RARB: variants seen among roughly 807,000 people sequenced by gnomAD.
RARB encodes HBV-activated protein.
A neutral mutation model predicts 51.9 loss-of-function variants in RARB; 17 were observed. That is an observed-to-expected ratio of 0.33 (90% CI 0.22 to 0.49). The LOEUF (loss-of-function observed/expected upper bound fraction) is 0.49, where lower values mean the gene tolerates loss of function less well. Ranked by LOEUF, RARB falls within the 20% of genes least tolerant of loss-of-function variation. RARB has a pLI of 0.99. For synonymous variants in RARB, 215 were observed against 195.4 expected (o/e 1.10, Z -0.84); for missense variants, 369 against 550.8 (o/e 0.67, Z 3.30).
chr3:25,194,914 A>G (rs1450848027), intron 5 of RARB, among the ~76,000 whole-genome samples: 1 of 151,972 alleles, frequency 6.6e-6, no homozygotes. Flanking sequence ...TTTTCAAAGC[A>G]TGCTTGAAAG....
At chr3:24,897,722 G>T (rs1341483521) in intron 2 of RARB, among the ~76,000 whole-genome samples, 1 of 147,830 alleles carries the variant, frequency 6.8e-6, no homozygotes, top group Non-Finnish European at 1.5e-5. Context: ...AACCATCACA[G>T]TATTTTCCAT....
chr3:25,106,834 G>C (rs1259224342), intron 3 of RARB, among the ~76,000 whole-genome samples: 1 of 151,940 alleles, frequency 6.6e-6, no homozygotes, highest in African/African-American at 2.4e-5. Flanking sequence ...GGTTGCTGGA[G>C]CTATGGCCCT....
rs187592237 is a variant in RARB, at chr3:24,936,161, C to A, written c.-380+77409C>A. On this transcript the variant is annotated intron_variant, in intron 2 of 11. Transcript: ENST00000383772. ...AAATTGTATCATTCCATCCATGGTC[C>A]ATGTTTGTATAGAGTATGGAATGGG... is the stretch of plus-strand genomic sequence containing the variant. 1.8e-3 allele frequency among the ~76,000 whole-genome samples: 281 copies of A among 152,104 alleles called. 1 individual carries two copies. Among genetic ancestry groups the A allele is most frequent in the African/African-American group, 6.1e-3 (255 of 41,500 alleles).
intron 3 of RARB, among the ~76,000 whole-genome samples, chr3:25,521,128 C>G (rs1698384451): frequency 6.6e-6 from 1 of 152,188 alleles, no homozygotes; most frequent in East Asian, 1.9e-4. Flanking sequence ...GGGTCTCCCC[C>G]ATCAGGCAAG....
At chr3:25,358,679 T>C (rs571679901) in intron 5 of RARB, among the ~76,000 whole-genome samples, 30 of 152,336 alleles carry the variant, frequency 2.0e-4, no homozygotes, top group African/African-American at 6.5e-4. Context: ...TTGAATGTTA[T>C]TAGCATGAAG....
At chr3:25,445,898 A>G (rs889207499) in intron 1 of RARB, among the ~76,000 whole-genome samples, 3 of 152,206 alleles carry the variant, frequency 2.0e-5, no homozygotes, top group Non-Finnish European at 4.4e-5. Context: ...TTTATTGCAT[A>G]TATGACCATG....
In RARB at chr3:24,938,060, T is replaced by C. The variant is rs1338393298; in HGVS notation, c.-380+79308T>C. Among the ~76,000 whole-genome samples, 2 of 151,974 alleles carry C rather than the reference T, an allele frequency of 1.3e-5. 1 individual carries two copies. The highest frequency in any genetic ancestry group is 2.9e-5 in the Non-Finnish European group (2 of 68,012). Reference sequence around the variant, plus strand: ...CACACATGCGCACACACACTCTTAATGATTTGCATGGTGGTGGTGGTGATT... The same window carrying C: ...CACACATGCGCACACACACTCTTAACGATTTGCATGGTGGTGGTGGTGATT... On this transcript the variant is annotated intron_variant, in intron 2 of 11. Coordinates refer to the RARB transcript ENST00000383772.
chr3:25,072,862 C>G (rs892347697), intron 3 of RARB, among the ~76,000 whole-genome samples: 2 of 152,016 alleles, frequency 1.3e-5, no homozygotes, highest in East Asian at 3.9e-4. Flanking sequence ...GCACCCGCCA[C>G]CACGCCGGGC....
At chr3:25,513,603 A>G (rs1698013194) in intron 3 of RARB, among the ~76,000 whole-genome samples, 1 of 150,864 alleles carries the variant, frequency 6.6e-6, no homozygotes, top group Non-Finnish European at 1.5e-5. Context: ...TCCATGGTGG[A>G]TGTAAACAGA....
intron 5 of RARB, among the ~76,000 whole-genome samples, chr3:25,191,918 C>T (rs747121337): frequency 2.1e-4 from 32 of 152,068 alleles, no homozygotes; most frequent in Non-Finnish European, 3.5e-4. Context: ...TAATGTAAAG[C>T]AGGCAGACGA....
At chr3:25,477,664 G>T (rs1696021909) in intron 2 of RARB, among the ~76,000 whole-genome samples, 1 of 152,030 alleles carries the variant, frequency 6.6e-6, no homozygotes, top group Non-Finnish European at 1.5e-5. Flanking sequence ...TCTCCCTTAG[G>T]GTTTAACTTC....
At chr3:25,179,509 G>T (rs1167825853) in intron 5 of RARB, among the ~76,000 whole-genome samples, 1 of 152,110 alleles carries the variant, frequency 6.6e-6, no homozygotes, top group Admixed American at 6.6e-5. Context: ...AAACATAATA[G>T]TATCATTTAT....
At chr3:25,140,102 T>G (rs370570803) in intron 4 of RARB, among the ~76,000 whole-genome samples, 3 of 145,432 alleles carry the variant, frequency 2.1e-5, no homozygotes, top group African/African-American at 5.7e-5. Flanking sequence ...TTTGTTGGTT[T>G]GTTTGTTTGT....
intron 3 of RARB, among the ~76,000 whole-genome samples, chr3:25,536,940 A>G (rs1478721243): frequency 3.3e-5 from 5 of 152,246 alleles, no homozygotes; most frequent in African/African-American, 1.2e-4. Context: ...GCTAAACAAG[A>G]TGGTGGATCC....
chr3:25,117,678 G>C (rs1699711091), intron 3 of RARB, among the ~76,000 whole-genome samples: 1 of 152,156 alleles, frequency 6.6e-6, no homozygotes, highest in African/African-American at 2.4e-5. Context: ...GAAGATATAA[G>C]TTGCTGAATT....
chr3:25,593,005 C>A (rs1701671558), intron 5 of RARB, among the ~76,000 whole-genome samples: 1 of 152,080 alleles, frequency 6.6e-6, no homozygotes, highest in South Asian at 2.1e-4. Flanking sequence ...CCTTTCTGAG[C>A]CTTAAGTCCT....
At chr3:25,560,902 T>C (rs1250785073) in intron 3 of RARB, among the ~76,000 whole-genome samples, 1 of 152,226 alleles carries the variant, frequency 6.6e-6, no homozygotes, top group Non-Finnish European at 1.5e-5. Flanking sequence ...AATAAATGTT[T>C]GGTGAATAAA....
chr3:25,126,360 A>C (rs1393779664), intron 3 of RARB, among the ~76,000 whole-genome samples: 1 of 152,204 alleles, frequency 6.6e-6, no homozygotes, highest in Non-Finnish European at 1.5e-5. Flanking sequence ...AAAGGGAAAG[A>C]AATCTAGTCA....
chr3:25,453,341 G>A (rs1343686622), intron 1 of RARB, among the ~76,000 whole-genome samples: 22 of 149,508 alleles, frequency 1.5e-4, no homozygotes, highest in Admixed American at 1.2e-3. Context: ...TCCGCCTCCC[G>A]GGTTCAAGCG....
Sources: gnomAD v4.1 joint callset for allele counts (sites outside exome capture counted in the v4.1 genomes callset) on GRCh38, gnomAD v4.1.1 for gene constraint, MANE v1.5 for transcripts, NCBI Gene and HGNC (gene_info 2026-07-23, HGNC 2026-07-21) for gene names.